STC1: variants seen among roughly 807,000 people sequenced by gnomAD.
STC1 encodes stanniocalcin 1.
In STC1, 7 loss-of-function variants were observed where a neutral mutation model predicts 22.6. The observed-to-expected ratio is 0.31, with a 90% CI of 0.18 to 0.58. STC1 has a LOEUF of 0.58. Among genes scored for constraint, STC1 ranks in the 20% least tolerant of loss-of-function variants. The probability of loss-of-function intolerance (pLI) is 0.89; values close to 1 mark genes in which losing one functional copy is unlikely to be tolerated. For missense variants in STC1, 224 were observed against 311.0 expected (o/e 0.72, Z 2.10); for synonymous variants, 113 against 120.7 (o/e 0.94, Z 0.42).
In STC1 at chr8:23,854,642, G is replaced by T; in HGVS notation, c.-119C>A. Reference sequence around the variant, plus strand: ...TGGATACACTGAAAGCTTAGGTGAGGATTTGATGAGGATTTTTTTTTGTTG... The same window carrying T: ...TGGATACACTGAAAGCTTAGGTGAGTATTTGATGAGGATTTTTTTTTGTTG... On this transcript the variant is annotated 5_prime_UTR_variant, in exon 1 of 4. Coordinates refer to ENST00000290271, the MANE Select transcript of STC1 (RefSeq NM_003155.3). 1.1e-6 allele frequency: 1 copy of T among 921,858 alleles called. No individual in the cohort carries two copies. Among genetic ancestry groups the T allele is most frequent in the Admixed American group, 1.8e-5 (1 of 56,288 alleles). The allele number at this position is 921,858 out of a possible 1,614,324, so 57.1% of individuals were successfully genotyped here. A position where few individuals can be genotyped will look rare whatever the true frequency, so the allele number is the denominator to read the frequency against.
At position 23,851,490 on chromosome 8, in the gene STC1, G is replaced by A. The variant is rs1027603215; in HGVS notation, c.303C>T (p.Asn101=). Residue 101 remains asparagine (N), a synonymous_variant, in exon 3 of 4, where the codon AAC becomes AAT. Coordinates refer to ENST00000290271, the MANE Select transcript of STC1 (RefSeq NM_003155.3). ...CGAGGAAGACCTTGGAGGTGACCCC[G>A]TTGGCGATGCATTTTAAGCTCTCTT... ...FVKESLKCIA[N]GVTSKVFLAI... 2.2e-5 allele frequency: 36 copies of A among 1,614,022 alleles called. No homozygotes were observed. Among genetic ancestry groups the A allele is most frequent in the Admixed American group, 1.0e-4 (6 of 60,002 alleles).
At position 23,851,352 on chromosome 8, in the gene STC1, C is replaced by T. The variant is rs752705544; in HGVS notation, c.441G>A (p.Glu147=). 1.2e-6 allele frequency: 2 copies of T among 1,614,134 alleles called. No homozygotes were observed. Among genetic ancestry groups the T allele is most frequent in the African/African-American group, 1.3e-5 (1 of 75,020 alleles). The change falls in exon 3 of 4, where the codon GAG becomes GAA. Residue 147 remains glutamate (E), a synonymous_variant. Coordinates refer to ENST00000290271, the MANE Select transcript of STC1 (RefSeq NM_003155.3). ...AGAAGTGATTGGGCAGCTGGACGAC[C>T]TCAGTGATGGCTTCAGGGTTCCGCT... The part of the protein sequence containing the change: ...IAKRNPEAIT[E]VVQLPNHFSN...
intron 3 of STC1, among the ~76,000 whole-genome samples, chr8:23,850,126 A>G (rs898901744): frequency 2.0e-5 from 3 of 152,208 alleles, no homozygotes; most frequent in Admixed American, 6.5e-5. Flanking sequence ...GAAATTTTAC[A>G]CAGCGTTTGT....
chr8:23,852,132 G>A (rs767113340), intron 2 of STC1, 110 bp downstream of exon 2: 10 of 1,322,448 alleles, frequency 7.6e-6, no homozygotes, highest in East Asian at 2.3e-5. Flanking sequence ...TTAGAGTGGG[G>A]AAGCTGAGAA....
rs900225092 is a variant in STC1 at position 23,844,505 on chromosome 8, A to C, written c.*265T>G. ...GGTCTCAGGGGAGCAGGGGAAAAACATGGCAGAGGAAGTTGGTAAAAGAGG... is the reference window on the plus strand; with the variant it reads ...GGTCTCAGGGGAGCAGGGGAAAAACCTGGCAGAGGAAGTTGGTAAAAGAGG... On this transcript the variant is annotated 3_prime_UTR_variant, in exon 4 of 4. Coordinates refer to ENST00000290271, the MANE Select transcript of STC1 (RefSeq NM_003155.3). 20 of 486,200 alleles carry C rather than the reference A, an allele frequency of 4.1e-5. No individual in the cohort carries two copies. The highest frequency in any genetic ancestry group is 5.5e-4 in the Middle Eastern group (1 of 1,804). The allele number at this position is 486,200 out of a possible 1,614,324, so 30.1% of individuals were successfully genotyped here.
At chr8:23,846,081 A>G (rs1465763064) in intron 3 of STC1, among the ~76,000 whole-genome samples, 1 of 152,228 alleles carries the variant, frequency 6.6e-6, no homozygotes, top group Non-Finnish European at 1.5e-5. Context: ...AGTTTTAAGA[A>G]TATAATTCTC....
chr8:23,844,478 G>A lies in STC1; in HGVS notation c.*292C>T, dbSNP rs73553066. ...TTACATGAATGTTTTGTGTTTGGGG[G>A]TGGTCTCAGGGGAGCAGGGGAAAAA... On this transcript the variant is annotated 3_prime_UTR_variant, in exon 4 of 4. Coordinates refer to ENST00000290271, the MANE Select transcript of STC1 (RefSeq NM_003155.3). The A allele has an allele frequency of 8.3e-4, 348 of 420,480 alleles. No homozygotes were observed. Among genetic ancestry groups the A allele is most frequent in the African/African-American group, 5.9e-3 (297 of 49,936 alleles). The allele number at this position is 420,480 out of a possible 1,614,324, so 26.0% of individuals were successfully genotyped here. A position where few individuals can be genotyped will look rare whatever the true frequency, so the allele number is the denominator to read the frequency against.
In STC1 at chr8:23,844,515, A is replaced by G; in HGVS notation, c.*255T>C. On this transcript the variant is annotated 3_prime_UTR_variant, in exon 4 of 4. Transcript: ENST00000290271. ...GAGCAGGGGAAAAACATGGCAGAGG[A>G]AGTTGGTAAAAGAGGGTACTTTCTC... The G allele has an allele frequency of 2.0e-6, 1 of 503,476 alleles. No homozygotes were observed. The allele number at this position is 503,476 out of a possible 1,614,324, so 31.2% of individuals were successfully genotyped here. A position where few individuals can be genotyped will look rare whatever the true frequency, so the allele number is the denominator to read the frequency against.
Position 23,851,438 on chromosome 8 carries a change from T to C in STC1, c.355A>G (p.Arg119Gly). The C allele has an allele frequency of 6.2e-7, 1 of 1,614,144 alleles. No homozygotes were observed. The highest frequency in any genetic ancestry group is 2.2e-5 in the East Asian group (1 of 44,866). ...TCTTCCTGCACCTCAGCAATCATCC[T>C]TTGGAAAGTGGAGCACCTCCGAATG... ...LAIRRCSTFQ[R>G]MIAEVQEECY... The change falls in exon 3 of 4, where the codon AGG becomes GGG. Residue 119 changes from arginine (R) to glycine (G), a missense_variant. Coordinates refer to ENST00000290271, the MANE Select transcript of STC1 (RefSeq NM_003155.3).
intron 3 of STC1, among the ~76,000 whole-genome samples, chr8:23,849,865 C>A (rs568882509): frequency 4.6e-5 from 7 of 152,150 alleles, no homozygotes; most frequent in Non-Finnish European, 1.0e-4. Flanking sequence ...AGGAAGTCTC[C>A]AATAATTAAT....
In STC1 at chr8:23,850,912, C is replaced by CTTTTTT. The variant is rs56311630; in HGVS notation, c.473+402_473+407dup. ...TGCATTATGACATTTAACCAGAGGG[C>CTTTTTT]TTTTTTTTTTTTTTTTTTTTTTAAT... On this transcript the variant is annotated intron_variant, in intron 3 of 3. Coordinates refer to ENST00000290271, the MANE Select transcript of STC1 (RefSeq NM_003155.3). Among the ~76,000 whole-genome samples the CTTTTTT allele has an allele frequency of 1.0e-4, 9 of 89,440 alleles. 1 individual carries two copies. The highest frequency in any genetic ancestry group is 2.7e-4 in the African/African-American group (6 of 22,604). The allele number at this position is 89,440 out of a possible 152,430, so 58.7% of individuals were successfully genotyped here.
rs1035159231 is a variant in STC1 at position 23,854,503 on chromosome 8, C to A, written c.21G>T (p.Val7=). 1.9e-6 allele frequency: 3 copies of A among 1,613,944 alleles called. No homozygotes were observed. The highest frequency in any genetic ancestry group is 2.5e-6 in the Non-Finnish European group (3 of 1,179,968). ...AAGCACTGATCACCAGCACCAGAAG[C>A]ACTGCTGAGTTTTGGAGCATTCTCT... MLQNSA[V]LLVLVISASA... Residue 7 remains valine, a synonymous_variant, in exon 1 of 4, where the codon GTG becomes GTT. Transcript: ENST00000290271.
Position 23,852,251 on chromosome 8 carries a change from A to G in STC1, c.252T>C (p.Phe84=). The change falls in exon 2 of 4, where the codon TTT becomes TTC. Residue 84 remains phenylalanine, a synonymous_variant. Coordinates refer to ENST00000290271, the MANE Select transcript of STC1 (RefSeq NM_003155.3). ...GTCAAGGTTTTATTACCTGAGTGTC[A>G]AATTTAGCAGCGCTGTACAAGAAGG... ...CKSFLYSAAK[F]DTQGKAFVKE... The G allele has an allele frequency of 6.2e-7, 1 of 1,614,172 alleles. No individual in the cohort carries two copies. The highest frequency in any genetic ancestry group is 8.5e-7 in the Non-Finnish European group (1 of 1,180,036).
chr8:23,853,766 AT>A lies in STC1; in HGVS notation c.118+639del, dbSNP rs540456064. ...GGAGAAACAGCTGCTACGTTTCACA[AT>A]TTTTTTTTTCTAGGGGCTCTCTGGC... On this transcript the variant is annotated intron_variant, in intron 1 of 3. Coordinates refer to ENST00000290271, the MANE Select transcript of STC1 (RefSeq NM_003155.3). 1.5e-3 allele frequency among the ~76,000 whole-genome samples: 231 copies of A among 151,030 alleles called. 2 individuals are homozygous for A. The East Asian group carries it at 0.028, about 19-fold the overall frequency.
At chr8:23,851,162 C>T (rs1303050091) in intron 3 of STC1, among the ~76,000 whole-genome samples, 158 bp downstream of exon 3, 1 of 152,088 alleles carries the variant, frequency 6.6e-6, no homozygotes, top group African/African-American at 2.4e-5. Flanking sequence ...CTGTCACAAC[C>T]AATCACAAAC....
In STC1 at chr8:23,845,044, C is replaced by T. The variant is rs1373808026; in HGVS notation, c.474-4G>A. On this transcript the variant is annotated splice_polypyrimidine_tract_variant and splice_region_variant and intron_variant, in intron 3 of 3. Coordinates refer to ENST00000290271, the MANE Select transcript of STC1 (RefSeq NM_003155.3). ...TCGGACAAGTCTGTTATAGTATCTGCATCAAGAAAGAGAGTGCATATGGTG... is the reference window on the plus strand; with the variant it reads ...TCGGACAAGTCTGTTATAGTATCTGTATCAAGAAAGAGAGTGCATATGGTG... The T allele has an allele frequency of 6.2e-7, 1 of 1,613,608 alleles. No individual in the cohort carries two copies.
chr8:23,845,555 T>G (rs1169857606), intron 3 of STC1, among the ~76,000 whole-genome samples: 1 of 150,390 alleles, frequency 6.6e-6, no homozygotes, highest in African/African-American at 2.4e-5. Context: ...TGGGCACAGG[T>G]GTGTGTGTGT....
In STC1 at chr8:23,845,058, G is replaced by GTGCA. The variant is rs1256878936; in HGVS notation, c.474-22_474-19dup. ...TATAGTATCTGCATCAAGAAAGAGA[G>GTGCA]TGCATATGGTGGTCACCCAGTGAGA... On this transcript the variant is annotated intron_variant, in intron 3 of 3. Coordinates refer to ENST00000290271, the MANE Select transcript of STC1 (RefSeq NM_003155.3). 10 of 1,611,152 alleles carry GTGCA rather than the reference G, an allele frequency of 6.2e-6. No individual in the cohort carries two copies. Among genetic ancestry groups the GTGCA allele is most frequent in the Non-Finnish European group, 8.5e-6 (10 of 1,178,138 alleles).
chr8:23,852,488 C>G (rs1347861281), intron 1 of STC1, 104 bp from the exon 2 acceptor site: 3 of 1,290,112 alleles, frequency 2.3e-6, no homozygotes, highest in Non-Finnish European at 3.2e-6. Flanking sequence ...GTCAGAAGAA[C>G]TTATCCTAGG....
Sources: allele counts gnomAD v4.1 joint callset (sites outside exome capture counted in the v4.1 genomes callset), GRCh38; gene constraint gnomAD v4.1.1; transcripts MANE v1.5; gene names NCBI Gene and HGNC (gene_info 2026-07-23, HGNC 2026-07-21).